ENTREP2: variants seen among roughly 807,000 people sequenced by gnomAD.
ENTREP2 encodes the protein protein ENTREP2.
At chr15:29,249,852 T>C in the ENTREP2 span, among the ~76,000 whole-genome samples, 2 of 151,850 alleles carry the variant, frequency 1.3e-5, no homozygotes, top group Non-Finnish European at 2.9e-5. Context: ...CTTACAATCA[T>C]GGTGGAAAGT....
chr15:29,522,132 T>C, the ENTREP2 span, among the ~76,000 whole-genome samples: 1 of 152,276 alleles, frequency 6.6e-6, no homozygotes, highest in East Asian at 1.9e-4. Context: ...GGAGTTAGTT[T>C]CAAATGAATC....
chr15:29,126,806 C>T, the ENTREP2 span, among the ~76,000 whole-genome samples: 5 of 152,204 alleles, frequency 3.3e-5, no homozygotes, highest in Non-Finnish European at 5.9e-5. Flanking sequence ...TGCAGGGGTA[C>T]ACAGCAGCCC....
At chr15:29,174,702 C>CAAAAAAAAAAAAAA in the ENTREP2 span, among the ~76,000 whole-genome samples, 10 of 115,900 alleles carry the variant, frequency 8.6e-5, no homozygotes, top group South Asian at 2.8e-4. Flanking sequence ...CAAAACAAAA[C>CAAAAAAAAAAAAAA]AAAACAACAA....
the ENTREP2 span, among the ~76,000 whole-genome samples, chr15:29,494,077 A>G: frequency 6.6e-6 from 1 of 152,216 alleles, no homozygotes; most frequent in Non-Finnish European, 1.5e-5. Context: ...CAGCACAATT[A>G]AGAAAATAAG....
the ENTREP2 span, chr15:29,610,982 A>T: frequency 6.6e-6 from 1 of 152,356 alleles, no homozygotes; most frequent in African/African-American, 2.4e-5. Flanking sequence ...GCCATGATTC[A>T]TGTGGGCTGG....
chr15:29,161,564 T>A, the ENTREP2 span, among the ~76,000 whole-genome samples: 7 of 152,228 alleles, frequency 4.6e-5, no homozygotes, highest in Non-Finnish European at 8.8e-5. Flanking sequence ...TCCTGGCAGT[T>A]TATTTCCATC....
chr15:29,179,965 T>C, the ENTREP2 span, among the ~76,000 whole-genome samples: 1 of 151,876 alleles, frequency 6.6e-6, no homozygotes, highest in Non-Finnish European at 1.5e-5. Flanking sequence ...TGCCCAAGGA[T>C]GGTGTGCTCA....
the ENTREP2 span, among the ~76,000 whole-genome samples, chr15:29,407,838 T>G: frequency 4.5e-4 from 68 of 151,738 alleles, no homozygotes; most frequent in African/African-American, 1.3e-3. Context: ...ACTAATTTTT[T>G]GGGGTTTTTT....
At chr15:29,628,693 T>C in the ENTREP2 span, among the ~76,000 whole-genome samples, 1 of 152,212 alleles carries the variant, frequency 6.6e-6, no homozygotes, top group South Asian at 2.1e-4. Flanking sequence ...TGATGTTCTG[T>C]CCTTTGGTGT....
At chr15:29,370,857 C>A in the ENTREP2 span, among the ~76,000 whole-genome samples, 1 of 152,080 alleles carries the variant, frequency 6.6e-6, no homozygotes, top group Non-Finnish European at 1.5e-5. Context: ...CATGACTGAA[C>A]CTTGCTGTAC....
chr15:29,648,362 A>T, the ENTREP2 span, among the ~76,000 whole-genome samples: 5 of 152,176 alleles, frequency 3.3e-5, no homozygotes, highest in African/African-American at 1.2e-4. Flanking sequence ...TTCAGTCCAT[A>T]CTACTGACAA....
the ENTREP2 span, among the ~76,000 whole-genome samples, chr15:29,344,803 G>A: frequency 6.6e-6 from 1 of 151,940 alleles, no homozygotes; most frequent in Admixed American, 6.6e-5. Context: ...GGCTGACAGA[G>A]GCAGAGGACA....
At chr15:29,317,473 G>C in the ENTREP2 span, among the ~76,000 whole-genome samples, 2 of 152,040 alleles carry the variant, frequency 1.3e-5, no homozygotes, top group Non-Finnish European at 2.9e-5. Flanking sequence ...AGACCTCAAA[G>C]CATTAAAGAA....
the ENTREP2 span, among the ~76,000 whole-genome samples, chr15:29,612,001 G>A: frequency 5.2e-4 from 79 of 152,270 alleles, no homozygotes; most frequent in African/African-American, 1.3e-3. Context: ...CAAAATATGT[G>A]TAAAAGAGAA....
the ENTREP2 span, among the ~76,000 whole-genome samples, chr15:29,512,951 T>C: frequency 6.6e-6 from 1 of 152,224 alleles, no homozygotes; most frequent in Non-Finnish European, 1.5e-5. Context: ...GAACTGCCAA[T>C]GTTGTATAAA....
the ENTREP2 span, among the ~76,000 whole-genome samples, chr15:29,555,951 T>G: frequency 2.6e-5 from 4 of 152,218 alleles, no homozygotes; most frequent in African/African-American, 9.6e-5. Flanking sequence ...GGACAGCTTC[T>G]TCCCGAAGAA....
the ENTREP2 span, chr15:29,269,494 G>A: frequency 6.2e-7 from 1 of 1,608,096 alleles, no homozygotes; most frequent in African/African-American, 1.3e-5. Flanking sequence ...GGCGGCCTGG[G>A]CCCGGCGGGC....
At chr15:29,611,094 T>C in the ENTREP2 span, 1 of 152,364 alleles carries the variant, frequency 6.6e-6, no homozygotes, top group South Asian at 2.1e-4. Flanking sequence ...ATGCAGGAGA[T>C]ACTTTGCCTA....
chr15:29,532,889 T>C, the ENTREP2 span, among the ~76,000 whole-genome samples: 1 of 152,124 alleles, frequency 6.6e-6, no homozygotes, highest in Non-Finnish European at 1.5e-5. Flanking sequence ...ATATAAAGCA[T>C]TAAATAGCAA....
Sources: gnomAD v4.1 joint callset for allele counts (sites outside exome capture counted in the v4.1 genomes callset) on GRCh38, gnomAD v4.1.1 for gene constraint, MANE v1.5 for transcripts, NCBI Gene and HGNC (gene_info 2026-07-23, HGNC 2026-07-21) for gene names.